Variants in FEZ2 observed in about 807,000 individuals in gnomAD.
The protein encoded by FEZ2 is fasciculation and elongation protein zeta-2.
In FEZ2, 51 loss-of-function variants were observed where a neutral mutation model predicts 40.4. The ratio of observed to expected loss-of-function variants is 1.26; its 90% CI spans 1.01 to 1.59. FEZ2 has a LOEUF of 1.59. Among genes scored for constraint, FEZ2 ranks in the 40% most tolerant of loss-of-function variants. The pLI is 0.00. For missense variants in FEZ2, 640 were observed against 438.3 expected, an observed-to-expected ratio of 1.46 and a Z score of -4.11; for synonymous variants, 242 against 172.0, an observed-to-expected ratio of 1.41 and a Z score of -3.18.
chr2:36,591,643 G>C (rs1240655414), intron 1 of FEZ2: 1 of 152,354 alleles, frequency 6.6e-6, no homozygotes. Flanking sequence ...GAGAAAGAGA[G>C]GGAGTTCACA....
chr2:36,592,798 G>A (rs777913798), intron 1 of FEZ2, among the ~76,000 whole-genome samples: 28 of 152,140 alleles, frequency 1.8e-4, no homozygotes, highest in Admixed American at 6.5e-5. Flanking sequence ...CTGGGAGACA[G>A]AGCAAGACCC....
intron 2 of FEZ2, among the ~76,000 whole-genome samples, chr2:36,588,759 G>A (rs1010188052): frequency 1.3e-5 from 2 of 150,474 alleles, no homozygotes; most frequent in Non-Finnish European, 3.0e-5. Context: ...CAATTGTTGT[G>A]TTGTTATTTT....
chr2:36,559,500 C>T (rs530000566), intron 5 of FEZ2, among the ~76,000 whole-genome samples: 40 of 152,316 alleles, frequency 2.6e-4, no homozygotes, highest in Admixed American at 5.9e-4. Context: ...AGCTGCTTTA[C>T]AGTAACTGGA....
chr2:36,598,121 G>T lies in FEZ2; in HGVS notation c.22C>A (p.Gln8Lys). The change falls in exon 1 of 8, where the codon CAG becomes AAG. Residue 8 changes from glutamine to lysine, a missense_variant. Coordinates refer to ENST00000405912, the MANE Select transcript of FEZ2 (RefSeq NM_005102.3). ...GGCTCCTGGAACTCATAGAAATCCT[G>T]CCAGTCCCCGTCCGCCGCCATCGCC... MAADGDW[Q>K]DFYEFQEPAR... The T allele has an allele frequency of 1.4e-6, 2 of 1,481,062 alleles. No individual in the cohort carries two copies. Among genetic ancestry groups the T allele is most frequent in the Non-Finnish European group, 1.8e-6 (2 of 1,124,540 alleles). 91.7% of individuals were successfully genotyped at this position (1,481,062 alleles called of 1,614,324 possible).
intron 5 of FEZ2, among the ~76,000 whole-genome samples, chr2:36,574,415 C>T (rs914563678): frequency 8.6e-5 from 13 of 151,896 alleles, no homozygotes; most frequent in African/African-American, 1.7e-4. Context: ...GTTGGATCTA[C>T]GAATACCGAG....
At chr2:36,591,457 C>G (rs1323217863) in intron 1 of FEZ2, 1 of 153,148 alleles carries the variant, frequency 6.5e-6, no homozygotes, top group Non-Finnish European at 1.5e-5. Context: ...GTGCATTACA[C>G]TTATTTTTCT....
intron 5 of FEZ2, chr2:36,558,761 G>C (rs1668019044): frequency 3.5e-6 from 1 of 284,996 alleles, no homozygotes; most frequent in African/African-American, 2.2e-5. Context: ...TTGCATTTCA[G>C]TTATTGAAAA....
At position 36,598,151 on chromosome 2, in the gene FEZ2, G is replaced by C. The variant is rs1218806320; in HGVS notation, c.-9C>G. The C allele has an allele frequency of 6.9e-7, 1 of 1,457,556 alleles. No individual in the cohort carries two copies. The highest frequency in any genetic ancestry group is 9.0e-7 in the Non-Finnish European group (1 of 1,112,758). The allele number at this position is 1,457,556 out of a possible 1,614,324, so 90.3% of individuals were successfully genotyped here. On this transcript the variant is annotated 5_prime_UTR_variant, in exon 1 of 8. Transcript: ENST00000405912. The stretch of plus-strand genomic sequence containing the variant: ...TCCCCGTCCGCCGCCATCGCCGCCC[G>C]GAGCAGTCGCGCGCCCCGCCCAGGC...
At chr2:36,580,032 C>G (rs992503546) in intron 4 of FEZ2, among the ~76,000 whole-genome samples, 2 of 152,132 alleles carry the variant, frequency 1.3e-5, no homozygotes, top group African/African-American at 4.8e-5. Context: ...CAGCCATCTG[C>G]ATGTCAAGGA....
intron 4 of FEZ2, chr2:36,579,072 G>T: frequency 4.1e-6 from 2 of 490,578 alleles, no homozygotes; most frequent in Non-Finnish European, 7.1e-6. Flanking sequence ...GAGGTAAGTG[G>T]GCAGGTGAGT....
chr2:36,565,112 C>G (rs1668200287), intron 5 of FEZ2, among the ~76,000 whole-genome samples: 2 of 152,218 alleles, frequency 1.3e-5, no homozygotes, highest in South Asian at 4.1e-4. Flanking sequence ...CCTAACTCCT[C>G]CCTTCTTTGG....
intron 2 of FEZ2, among the ~76,000 whole-genome samples, chr2:36,586,464 A>G (rs1471933874): frequency 6.6e-6 from 1 of 151,944 alleles, no homozygotes; most frequent in Non-Finnish European, 1.5e-5. Flanking sequence ...GTGAAACCCC[A>G]TTGCTACAAA....
rs141514393 is a variant in FEZ2, at chr2:36,595,290, T to A, written c.266+2587A>T. 2.8e-4 allele frequency among the ~76,000 whole-genome samples: 42 copies of A among 152,134 alleles called. No individual in the cohort carries two copies. The East Asian group carries it at 5.0e-3, about 18-fold the overall frequency. On this transcript the variant is annotated intron_variant, in intron 1 of 7. Coordinates refer to ENST00000405912, the MANE Select transcript of FEZ2 (RefSeq NM_005102.3). The stretch of plus-strand genomic sequence containing the variant: ...CATGAAATAATTTTACAACTCACCA[T>A]AACGTAGAATCAATGGGAGCCCTGA...
intron 3 of FEZ2, among the ~76,000 whole-genome samples, chr2:36,581,798 C>A (rs1234721834): frequency 6.6e-6 from 1 of 152,062 alleles, no homozygotes; most frequent in Non-Finnish European, 1.5e-5. Flanking sequence ...AAGCAAATAA[C>A]AGAAAATTTA....
chr2:36,592,644 CAAAAAAAAA>C (rs34717975), intron 1 of FEZ2, among the ~76,000 whole-genome samples: 10 of 74,600 alleles, frequency 1.3e-4, no homozygotes, highest in South Asian at 5.1e-4. Context: ...CACATCTCTA[CAAAAAAAAA>C]AAAAAAAAAA....
rs1553340116 is a variant in FEZ2, at chr2:36,552,461, C to CTT, written c.*700_*701dup. On this transcript the variant is annotated 3_prime_UTR_variant, in exon 8 of 8. Coordinates refer to ENST00000405912, the MANE Select transcript of FEZ2 (RefSeq NM_005102.3). ...TCTCAAGCACCTCAGAGGACACACA[C>CTT]TTAAAGTACAATTCTTCACAGACAC... 22,893 of 270,604 alleles carry CTT rather than the reference C, an allele frequency of 0.085. 2,171 individuals carry two copies. Among genetic ancestry groups the CTT allele is most frequent in the East Asian group, 0.44 (4,760 of 10,784 alleles). The allele number at this position is 270,604 out of a possible 1,614,324, so 16.8% of individuals were successfully genotyped here.
rs1378212585 is a variant in FEZ2, at chr2:36,598,127, C to T, written c.16G>A (p.Asp6Asn). The stretch of plus-strand genomic sequence containing the variant: ...TGGAACTCATAGAAATCCTGCCAGT[C>T]CCCGTCCGCCGCCATCGCCGCCCGG... Reference protein sequence around the residue: MAADGDWQDFYEFQEP... With the variant: MAADGNWQDFYEFQEP... The change falls in exon 1 of 8, where the codon GAC (aspartate) becomes AAC (asparagine). Residue 6 changes from aspartate to asparagine, a missense_variant. Physicochemically the swap from Asp to Asn is conservative, Grantham distance 23 (BLOSUM62 1). Coordinates refer to ENST00000405912, the MANE Select transcript of FEZ2 (RefSeq NM_005102.3). 107 of 1,480,488 alleles carry T rather than the reference C, an allele frequency of 7.2e-5. No individual in the cohort carries two copies. Among genetic ancestry groups the T allele is most frequent in the Non-Finnish European group, 9.2e-5 (103 of 1,123,332 alleles). The allele number at this position is 1,480,488 out of a possible 1,614,324, so 91.7% of individuals were successfully genotyped here. A position where few individuals can be genotyped will look rare whatever the true frequency, so the allele number is the denominator to read the frequency against.
intron 1 of FEZ2, among the ~76,000 whole-genome samples, chr2:36,595,728 T>A (rs990997166): frequency 6.6e-6 from 1 of 152,130 alleles, no homozygotes; most frequent in African/African-American, 2.4e-5. Context: ...GTTTTTGCAA[T>A]ATAAAAGGGA....
intron 5 of FEZ2, among the ~76,000 whole-genome samples, chr2:36,566,992 T>C (rs1668261468): frequency 1.3e-5 from 2 of 151,712 alleles, no homozygotes; most frequent in Admixed American, 1.3e-4. Context: ...AATAAATGAG[T>C]GCTCCAGAAT....
Sources: gnomAD v4.1 joint callset for allele counts (sites outside exome capture counted in the v4.1 genomes callset) on GRCh38, gnomAD v4.1.1 for gene constraint, MANE v1.5 for transcripts, NCBI Gene and HGNC (gene_info 2026-07-23, HGNC 2026-07-21) for gene names.